Variants in ATP10A observed in about 807,000 individuals in gnomAD.
ATP10A encodes phospholipid-transporting ATPase VA.
ATP10A carries 111 observed loss-of-function variants against 147.8 expected under a neutral mutation model. That is an observed-to-expected ratio of 0.75 (90% CI 0.64 to 0.88). The LOEUF is 0.88. Among genes scored for constraint, ATP10A ranks in the 40% least tolerant of loss-of-function variants. The probability of loss-of-function intolerance (pLI) is 0.00; values close to 1 mark genes in which losing one functional copy is unlikely to be tolerated. For missense variants in ATP10A, 1,927 were observed against 1,959.0 expected, an observed-to-expected ratio of 0.98 and a Z score of 0.31; for synonymous variants, 875 against 841.6, an observed-to-expected ratio of 1.04 and a Z score of -0.69.
At chr15:25,858,441 A>G (rs1422400698) in intron 1 of ATP10A, among the ~76,000 whole-genome samples, 2 of 151,882 alleles carry the variant, frequency 1.3e-5, no homozygotes, top group African/African-American at 4.8e-5. Flanking sequence ...AGGCACGGAG[A>G]AGGAGTAGGA....
At chr15:25,850,500 G>A (rs1033998552) in intron 1 of ATP10A, among the ~76,000 whole-genome samples, 27 of 152,206 alleles carry the variant, frequency 1.8e-4, no homozygotes, top group East Asian at 1.9e-4. Flanking sequence ...CAGAAAAAGG[G>A]ATGTGGCCAC....
intron 7 of ATP10A, among the ~76,000 whole-genome samples, chr15:25,720,385 G>T (rs927519611): frequency 3.9e-5 from 6 of 152,146 alleles, no homozygotes; most frequent in African/African-American, 1.4e-4. Flanking sequence ...TGGTCACCTG[G>T]CTGTGCAACA....
intron 2 of ATP10A, among the ~76,000 whole-genome samples, chr15:25,776,619 C>T (rs1014756981): frequency 1.3e-4 from 20 of 152,230 alleles, no homozygotes; most frequent in Admixed American, 6.5e-4. Context: ...CAAATCTTTA[C>T]GTCTCAAGAT....
chr15:25,745,277 C>T (rs1026027881), intron 2 of ATP10A, among the ~76,000 whole-genome samples: 1 of 151,824 alleles, frequency 6.6e-6, no homozygotes, highest in Non-Finnish European at 1.5e-5. Flanking sequence ...AGCTTGAACC[C>T]AGGAGGCGGA....
intron 1 of ATP10A, among the ~76,000 whole-genome samples, chr15:25,784,442 C>T (rs1890064625): frequency 6.6e-6 from 1 of 152,228 alleles, no homozygotes; most frequent in Admixed American, 6.5e-5. Flanking sequence ...AGCTTGCCTG[C>T]CCCATCCAGG....
chr15:25,814,234 CAT>C (rs1891554183), intron 1 of ATP10A, among the ~76,000 whole-genome samples: 1 of 152,174 alleles, frequency 6.6e-6, no homozygotes, highest in Non-Finnish European at 1.5e-5. Context: ...AGAGGAGCAT[CAT>C]ATGTCAGGAA....
At chr15:25,692,035 G>T (rs1056484148) in intron 14 of ATP10A, among the ~76,000 whole-genome samples, 3 of 152,076 alleles carry the variant, frequency 2.0e-5, no homozygotes, top group African/African-American at 4.8e-5. Flanking sequence ...GGTACATGGC[G>T]CCTGCTCTGC....
intron 1 of ATP10A, among the ~76,000 whole-genome samples, chr15:25,823,893 C>G (rs1445114663): frequency 2.0e-5 from 3 of 152,144 alleles, no homozygotes; most frequent in African/African-American, 7.2e-5. Context: ...CTGTAAGGAG[C>G]CAGAGAGTAA....
At chr15:25,782,563 T>C (rs1323239297) in intron 1 of ATP10A, among the ~76,000 whole-genome samples, 1 of 152,180 alleles carries the variant, frequency 6.6e-6, no homozygotes, top group African/African-American at 2.4e-5. Context: ...AGGGAGATAC[T>C]TGGCAGTTGG....
intron 15 of ATP10A, among the ~76,000 whole-genome samples, chr15:25,688,343 C>G (rs545905212): frequency 6.6e-6 from 1 of 152,202 alleles, no homozygotes; most frequent in Non-Finnish European, 1.5e-5. Flanking sequence ...AGGCCCACAG[C>G]TCCACTGGCC....
upstream of ATP10A, chr15:25,863,669 C>G (rs1274276670): frequency 1.3e-5 from 2 of 152,294 alleles, no homozygotes; most frequent in Non-Finnish European, 2.9e-5. Context: ...TCGGGAGACC[C>G]CGGTTAGGAC....
intron 1 of ATP10A, among the ~76,000 whole-genome samples, chr15:25,823,774 C>G (rs148851724): frequency 6.6e-6 from 1 of 152,140 alleles, no homozygotes; most frequent in Non-Finnish European, 1.5e-5. Flanking sequence ...TTTAAAATAA[C>G]CATGTAGTAA....
intron 13 of ATP10A, among the ~76,000 whole-genome samples, chr15:25,699,568 T>TA (rs775008139): frequency 7.2e-5 from 11 of 151,958 alleles, no homozygotes; most frequent in African/African-American, 2.4e-4. Context: ...ACATAAAATT[T>TA]AAAAAAAATG....
At chr15:25,824,695 C>T (rs1436162581) in intron 1 of ATP10A, among the ~76,000 whole-genome samples, 1 of 151,338 alleles carries the variant, frequency 6.6e-6, no homozygotes, top group African/African-American at 2.4e-5. Flanking sequence ...TGGCAAAATA[C>T]CGTCAAAATC....
intron 3 of ATP10A, among the ~76,000 whole-genome samples, chr15:25,735,828 G>A (rs1241478265): frequency 6.6e-6 from 1 of 152,148 alleles, no homozygotes; most frequent in Middle Eastern, 3.2e-3. Flanking sequence ...CCTCCTCACA[G>A]ATGGTAGTGG....
chr15:25,849,553 C>T (rs573751670), intron 1 of ATP10A, among the ~76,000 whole-genome samples: 28 of 152,254 alleles, frequency 1.8e-4, no homozygotes, highest in Non-Finnish European at 3.1e-4. Context: ...TAAGTCTGGC[C>T]AGACGCTTTA....
chr15:25,792,873 C>CTTTTTTTTT lies in ATP10A; in HGVS notation c.450-11659_450-11651dup, dbSNP rs56011953. ...TTACAAAAAGTTGCTCCTTTTCAAT[C>CTTTTTTTTT]TTTTTTTTTTTTTTGAGATGGAGTT... On this transcript the variant is annotated intron_variant, in intron 1 of 20. Transcript: ENST00000555815. 8.9e-5 allele frequency among the ~76,000 whole-genome samples: 12 copies of CTTTTTTTTT among 134,194 alleles called. 2 individuals are homozygous for CTTTTTTTTT. The highest frequency in any genetic ancestry group is 2.3e-4 in the Admixed American group (3 of 13,034). 88.0% of individuals were successfully genotyped at this position (134,194 alleles called of 152,430 possible).
intron 15 of ATP10A, among the ~76,000 whole-genome samples, chr15:25,690,619 T>G (rs1472659471): frequency 6.6e-6 from 1 of 152,188 alleles, no homozygotes; most frequent in Non-Finnish European, 1.5e-5. Flanking sequence ...TCCAAAAAAT[T>G]TTCCAAATAT....
At chr15:25,737,681 C>G (rs113720661) in intron 2 of ATP10A, among the ~76,000 whole-genome samples, 1 of 152,084 alleles carries the variant, frequency 6.6e-6, no homozygotes, top group Admixed American at 6.5e-5. Flanking sequence ...GCCCCTCATC[C>G]GCCGCTAGAA....
Sources: allele counts gnomAD v4.1 joint callset (sites outside exome capture counted in the v4.1 genomes callset), GRCh38; gene constraint gnomAD v4.1.1; transcripts MANE v1.5; gene names NCBI Gene and HGNC (gene_info 2026-07-23, HGNC 2026-07-21).